SMARCA2: variants seen among roughly 807,000 people sequenced by gnomAD.
SMARCA2 encodes the protein SWI/SNF related BAF chromatin remodeling complex subunit ATPase 2.
A neutral mutation model predicts 199.8 loss-of-function variants in SMARCA2; 61 were observed. The observed-to-expected ratio is 0.31, with a 90% CI of 0.25 to 0.38. The LOEUF (loss-of-function observed/expected upper bound fraction) is 0.38. SMARCA2 is among the 10% of genes least tolerant of loss of function. The pLI is 1.00. For synonymous variants in SMARCA2, 935 were observed against 732.0 expected (o/e 1.28, Z -4.48); for missense variants, 1,344 against 2,012.2 (o/e 0.67, Z 6.35).
At chr9:2,159,817 A>T (rs772733571) in intron 27 of SMARCA2, 1 of 1,610,904 alleles carries the variant, frequency 6.2e-7, no homozygotes, top group Non-Finnish European at 8.5e-7. Flanking sequence ...TGATCAGCTG[A>T]TGAAGAGACT....
In SMARCA2 at chr9:2,104,087, G is replaced by A. The variant is rs746313189; in HGVS notation, c.3210G>A (p.Leu1070=). 6.2e-7 allele frequency: 1 copy of A among 1,614,088 alleles called. No homozygotes were observed. Among genetic ancestry groups the A allele is most frequent in the Middle Eastern group, 1.6e-4 (1 of 6,062 alleles). Residue 1070 remains leucine (L), a synonymous_variant, in exon 23 of 34, where the codon CTG becomes CTA. Coordinates refer to ENST00000349721, the MANE Select transcript of SMARCA2 (RefSeq NM_003070.5). This position sits in a 1 kb window ranked among gnomAD's most constrained non-coding sequence, Gnocchi z 4.0. ...TGAGAGCGACTAATCACCGAGTGCT[G>A]CTTTTCTGCCAGATGACATCTCTCA... ...PKLRATNHRV[L]LFCQMTSLMT...
At chr9:2,147,388 G>A (rs1824815431) in intron 27 of SMARCA2, among the ~76,000 whole-genome samples, 1 of 152,118 alleles carries the variant, frequency 6.6e-6, no homozygotes, top group Non-Finnish European at 1.5e-5. Flanking sequence ...AAAATAATAT[G>A]TCACTTATAT....
intron 32 of SMARCA2, among the ~76,000 whole-genome samples, chr9:2,187,630 T>A (rs562816082): frequency 2.0e-5 from 3 of 152,088 alleles, no homozygotes; most frequent in Admixed American, 2.0e-4. Flanking sequence ...TGAGCTATGA[T>A]CATACCGCTG....
chr9:2,163,989 ACT>A (rs1825816605), intron 28 of SMARCA2, among the ~76,000 whole-genome samples: 1 of 151,914 alleles, frequency 6.6e-6, no homozygotes, highest in African/African-American at 2.4e-5. Flanking sequence ...AAAACCAGAA[ACT>A]CTGGCAGCAC....
At position 2,123,569 on chromosome 9, in the gene SMARCA2, G is replaced by C. The variant is rs1197046091; in HGVS notation, c.3763-150G>C. 4 of 694,706 alleles carry C rather than the reference G, an allele frequency of 5.8e-6. No individual in the cohort carries two copies. Among genetic ancestry groups the C allele is most frequent in the Non-Finnish European group, 1.0e-5 (4 of 387,518 alleles). The allele number at this position is 694,706 out of a possible 1,614,324, so 43.0% of individuals were successfully genotyped here. Reference sequence around the variant, plus strand: ...AATGGAATCTCTCCCTAGATATTTAGGGATGAGCTAGAACAAGCCAACCAG... The same window carrying C: ...AATGGAATCTCTCCCTAGATATTTACGGATGAGCTAGAACAAGCCAACCAG... On this transcript the variant is annotated intron_variant, in intron 26 of 33. Coordinates refer to ENST00000349721, the MANE Select transcript of SMARCA2 (RefSeq NM_003070.5). This position sits in a 1 kb window ranked among gnomAD's most constrained non-coding sequence, Gnocchi z 4.1.
intron 5 of SMARCA2, among the ~76,000 whole-genome samples, chr9:2,052,014 C>G (rs7036529): frequency 6.6e-6 from 1 of 151,942 alleles, no homozygotes; most frequent in Non-Finnish European, 1.5e-5. Flanking sequence ...AATAATCTCA[C>G]GAGTATCACT....
At chr9:2,185,951 A>G in intron 31 of SMARCA2, 145 bp from the exon 32 acceptor site, 1 of 749,454 alleles carries the variant, frequency 1.3e-6, no homozygotes, top group Middle Eastern at 2.5e-4. Context: ...GCGTTTTGCT[A>G]CTGGGTTTTC....
In SMARCA2 at chr9:2,017,090, C is replaced by T. The variant is rs148684831; in HGVS notation, c.-37+1686C>T. ...TTGGCCGGGGCACTTGGGCCGGTTT[C>T]CGGTACACGCGGGGAAATCGCCTCC... On this transcript the variant is annotated intron_variant, in intron 1 of 33. Transcript: ENST00000349721. The surrounding 1 kb of genome is among the most constrained non-coding windows in gnomAD (Gnocchi z 8.8). 2 of 152,360 alleles carry T rather than the reference C, an allele frequency of 1.3e-5. No individual in the cohort carries two copies. Among genetic ancestry groups the T allele is most frequent in the Non-Finnish European group, 2.9e-5 (2 of 68,086 alleles). The allele number at this position is 152,360 out of a possible 1,614,324, so 9.4% of individuals were successfully genotyped here. A position where few individuals can be genotyped will look rare whatever the true frequency, so the allele number is the denominator to read the frequency against.
chr9:2,108,527 A>G (rs1234736210), intron 23 of SMARCA2, among the ~76,000 whole-genome samples: 1 of 152,202 alleles, frequency 6.6e-6, no homozygotes, highest in African/African-American at 2.4e-5. Context: ...ATAGATGTAT[A>G]GTTTTGTACC....
At chr9:2,020,292 A>G (rs555310119) in intron 1 of SMARCA2, among the ~76,000 whole-genome samples, 2 of 151,794 alleles carry the variant, frequency 1.3e-5, no homozygotes, top group African/African-American at 2.4e-5. Context: ...TGTTTTGGAG[A>G]TGTCTTTGGC....
intron 27 of SMARCA2, chr9:2,160,204 T>C (rs1312743817): frequency 1.5e-5 from 6 of 411,638 alleles, no homozygotes; most frequent in Non-Finnish European, 2.6e-5. Flanking sequence ...AATGCAATAA[T>C]GTGAAGCTTT....
intron 5 of SMARCA2, among the ~76,000 whole-genome samples, chr9:2,051,935 T>A (rs1239753747): frequency 6.6e-6 from 1 of 152,166 alleles, no homozygotes; most frequent in Non-Finnish European, 1.5e-5. Flanking sequence ...TGGGGCTACA[T>A]AGATGTTGTA....
intron 27 of SMARCA2, among the ~76,000 whole-genome samples, chr9:2,146,590 A>G (rs376985426): frequency 7.9e-5 from 12 of 152,328 alleles, no homozygotes; most frequent in African/African-American, 2.4e-4. Flanking sequence ...GCAAATCCAT[A>G]CAGTAAAGAG....
chr9:2,174,195 A>G (rs1826409486), intron 29 of SMARCA2, among the ~76,000 whole-genome samples: 1 of 152,286 alleles, frequency 6.6e-6, no homozygotes, highest in South Asian at 2.1e-4. Flanking sequence ...GCTCCAGGCC[A>G]ACACCAGCAT....
intron 28 of SMARCA2, among the ~76,000 whole-genome samples, chr9:2,166,473 A>G (rs1432031747): frequency 6.6e-6 from 1 of 152,156 alleles, no homozygotes; most frequent in African/African-American, 2.4e-5. Context: ...GAATACTGCC[A>G]AGGTTAGCTT....
intron 27 of SMARCA2, among the ~76,000 whole-genome samples, chr9:2,150,259 T>G (rs1824993631): frequency 6.6e-6 from 1 of 151,662 alleles, no homozygotes; most frequent in Non-Finnish European, 1.5e-5. Flanking sequence ...CAACTTCTAC[T>G]GCCATACCAA....
At chr9:2,019,485 C>T (rs1310666232) in intron 1 of SMARCA2, among the ~76,000 whole-genome samples, 6 of 133,838 alleles carry the variant, frequency 4.5e-5, no homozygotes, top group African/African-American at 1.7e-4. Flanking sequence ...ACACCTGAGG[C>T]TTAGAATTGA....
intron 27 of SMARCA2, among the ~76,000 whole-genome samples, chr9:2,144,694 A>T (rs946091091): frequency 5.9e-5 from 9 of 152,150 alleles, no homozygotes; most frequent in African/African-American, 2.2e-4. Context: ...GGATCAGTAA[A>T]ATTAACAGCC....
chr9:2,096,773 C>A lies in SMARCA2; in HGVS notation c.2991+9C>A. On this transcript the variant is annotated intron_variant, in intron 20 of 33. Coordinates refer to ENST00000349721, the MANE Select transcript of SMARCA2 (RefSeq NM_003070.5). ...CTGAGAAAGATAAGAAGGTACGTTG[C>A]GAAAGATGATGCAACTCAAGGTGCT... 6.5e-7 allele frequency: 1 copy of A among 1,548,298 alleles called. No individual in the cohort carries two copies. Among genetic ancestry groups the A allele is most frequent in the Non-Finnish European group, 8.9e-7 (1 of 1,119,758 alleles).
Sources: gnomAD v4.1 joint callset for allele counts (sites outside exome capture counted in the v4.1 genomes callset) on GRCh38, gnomAD v4.1.1 for gene constraint, Gnocchi (gnomAD v3.1) non-coding constraint, MANE v1.5 for transcripts, NCBI Gene and HGNC (gene_info 2026-07-23, HGNC 2026-07-21) for gene names.